The following CACNA2D2 variants were observed in gnomAD, a reference collection of about 807,000 sequenced individuals.
The protein encoded by CACNA2D2 is voltage-dependent calcium channel subunit alpha-2/delta-2.
CACNA2D2 carries 48 observed loss-of-function variants against 166.4 expected under a neutral mutation model. That is an observed-to-expected ratio of 0.29 (90% CI 0.23 to 0.37). CACNA2D2 has a LOEUF of 0.37. Ranked by LOEUF, CACNA2D2 falls within the 10% of genes least tolerant of loss-of-function variation. The pLI is 1.00. For synonymous variants in CACNA2D2, 561 were observed against 573.7 expected, an observed-to-expected ratio of 0.98 and a Z score of 0.32; for missense variants, 1,122 against 1,433.0, an observed-to-expected ratio of 0.78 and a Z score of 3.50.
In CACNA2D2 at chr3:50,364,587, C is replaced by G; in HGVS notation, c.*79G>C. ...GTGAGGGAGGGACGAGGCTCTAAGGCGGGGAGTGTGGGGCAGGAGGGTGGG... is the reference window on the plus strand; with the variant it reads ...GTGAGGGAGGGACGAGGCTCTAAGGGGGGGAGTGTGGGGCAGGAGGGTGGG... On this transcript the variant is annotated 3_prime_UTR_variant, in exon 38 of 38. Transcript: ENST00000424201. 7.1e-7 allele frequency: 1 copy of G among 1,403,586 alleles called. No homozygotes were observed. The highest frequency in any genetic ancestry group is 9.3e-7 in the Non-Finnish European group (1 of 1,072,524). The allele number at this position is 1,403,586 out of a possible 1,614,324, so 86.9% of individuals were successfully genotyped here.
intron 1 of CACNA2D2, among the ~76,000 whole-genome samples, chr3:50,483,427 T>C (rs1277770456): frequency 6.6e-6 from 1 of 152,242 alleles, no homozygotes; most frequent in Non-Finnish European, 1.5e-5. Flanking sequence ...TGGTCCTTCA[T>C]GAGGTTATTA....
At position 50,365,258 on chromosome 3, in the gene CACNA2D2, C is replaced by A; in HGVS notation, c.3099-74G>T. ...CCACCCCCATCCTGCGGCCCCGCCC[C>A]CGGCCGCTCGGAGGCCCCGCCCCTT... On this transcript the variant is annotated intron_variant, in intron 35 of 37. Coordinates refer to ENST00000424201, the MANE Select transcript of CACNA2D2 (RefSeq NM_006030.4). The surrounding 1 kb of genome is among the most constrained non-coding windows in gnomAD (Gnocchi z 4.5). 6.4e-7 allele frequency: 1 copy of A among 1,572,274 alleles called. No individual in the cohort carries two copies. The highest frequency in any genetic ancestry group is 8.6e-7 in the Non-Finnish European group (1 of 1,159,314).
At chr3:50,407,750 G>C (rs1371184757) in intron 3 of CACNA2D2, among the ~76,000 whole-genome samples, 1 of 152,232 alleles carries the variant, frequency 6.6e-6, no homozygotes, top group Non-Finnish European at 1.5e-5. Context: ...CTGTCTCAAA[G>C]GGCACATAAA....
chr3:50,412,755 AAG>A (rs1260959089), intron 3 of CACNA2D2, among the ~76,000 whole-genome samples: 1 of 152,214 alleles, frequency 6.6e-6, no homozygotes, highest in East Asian at 1.9e-4. Flanking sequence ...AGTGAAGTAA[AAG>A]GGGAAAACAG....
intron 6 of CACNA2D2, among the ~76,000 whole-genome samples, chr3:50,382,595 C>T (rs944790545): frequency 3.3e-5 from 5 of 152,212 alleles, no homozygotes; most frequent in Non-Finnish European, 5.9e-5. Context: ...ATTGGCTCTG[C>T]TTATTGAACA....
intron 3 of CACNA2D2, among the ~76,000 whole-genome samples, chr3:50,397,723 C>G (rs1179890174): frequency 6.6e-6 from 1 of 152,220 alleles, no homozygotes; most frequent in Admixed American, 6.5e-5. Flanking sequence ...TCTTGCCCAG[C>G]TCTGGGCCCT....
At chr3:50,404,932 AT>A (rs1706626796) in intron 3 of CACNA2D2, among the ~76,000 whole-genome samples, 1 of 152,160 alleles carries the variant, frequency 6.6e-6, no homozygotes, top group Non-Finnish European at 1.5e-5. Context: ...CTGCATGGGA[AT>A]GTATTCCCAC....
In CACNA2D2 at chr3:50,463,786, C is replaced by A. The variant is rs904690907; in HGVS notation, c.288+12332G>T. 4.6e-5 allele frequency among the ~76,000 whole-genome samples: 7 copies of A among 152,246 alleles called. No homozygotes were observed. In the East Asian group the frequency reaches 1.3e-3, roughly 29 times the overall value. Reference sequence around the variant, plus strand: ...TGGCCTCCTTGTATGGGACAGACATCCTGTCCCAGGGGGAGAACGAAGGCT... The same window carrying A: ...TGGCCTCCTTGTATGGGACAGACATACTGTCCCAGGGGGAGAACGAAGGCT... On this transcript the variant is annotated intron_variant, in intron 2 of 37. Transcript: ENST00000424201.
intron 2 of CACNA2D2, among the ~76,000 whole-genome samples, chr3:50,466,612 C>T (rs1709839166): frequency 6.6e-6 from 1 of 152,238 alleles, no homozygotes; most frequent in Non-Finnish European, 1.5e-5. Context: ...CCCCATGCAG[C>T]ACCACGCATC....
intron 2 of CACNA2D2, among the ~76,000 whole-genome samples, chr3:50,465,275 T>C (rs2107030456): frequency 6.6e-6 from 1 of 152,364 alleles, no homozygotes; most frequent in Admixed American, 6.5e-5. Flanking sequence ...TTTTAAAAGT[T>C]TTCCCTGGTG....
intron 3 of CACNA2D2, among the ~76,000 whole-genome samples, chr3:50,413,363 G>A (rs899522448): frequency 5.3e-5 from 8 of 151,824 alleles, no homozygotes; most frequent in Admixed American, 1.3e-4. Context: ...ACTGCAGGGG[G>A]AACTGTTGCC....
At chr3:50,370,225 C>T in intron 23 of CACNA2D2, 95 bp downstream of exon 23, 1 of 850,984 alleles carries the variant, frequency 1.2e-6, no homozygotes, top group South Asian at 1.5e-5. Context: ...CTGCACAGGA[C>T]ACAGACACAC....
rs587695368 is a variant in CACNA2D2, at chr3:50,369,927, C to T, written c.2045+393G>A. Among the ~76,000 whole-genome samples the T allele has an allele frequency of 8.8e-5, 13 of 147,948 alleles. No homozygotes were observed. The South Asian group carries it at 1.5e-3, about 17-fold the overall frequency. On this transcript the variant is annotated intron_variant, in intron 23 of 37. Coordinates refer to ENST00000424201, the MANE Select transcript of CACNA2D2 (RefSeq NM_006030.4). The stretch of plus-strand genomic sequence containing the variant: ...ACGAACACCGACTGACACAGGACAA[C>T]GATGGGGTGCGGGGTTGGGGGGATG...
In CACNA2D2 at chr3:50,367,323, C is replaced by G. The variant is rs1383545082; in HGVS notation, c.2401+71G>C. On this transcript the variant is annotated intron_variant, in intron 27 of 37. Coordinates refer to ENST00000424201, the MANE Select transcript of CACNA2D2 (RefSeq NM_006030.4). This position sits in a 1 kb window ranked among gnomAD's most constrained non-coding sequence, Gnocchi z 6.5. ...GAGAGGGGCCTCAGACAGCAGAGCC[C>G]AGTTCTGGCTGAGCAGACAGGGAAG... 43 of 1,406,060 alleles carry G rather than the reference C, an allele frequency of 3.1e-5. No individual in the cohort carries two copies. The highest frequency in any genetic ancestry group is 4.1e-5 in the Non-Finnish European group (41 of 998,374). The allele number at this position is 1,406,060 out of a possible 1,614,324, so 87.1% of individuals were successfully genotyped here.
At chr3:50,492,906 CCCTG>C (rs1191388699) in intron 1 of CACNA2D2, among the ~76,000 whole-genome samples, 30 of 152,206 alleles carry the variant, frequency 2.0e-4, no homozygotes, top group African/African-American at 7.0e-4. Flanking sequence ...GGAATCCTGC[CCCTG>C]CCACTTGCCA....
At position 50,375,930 on chromosome 3, in the gene CACNA2D2, T is replaced by C. The variant is rs1431753826; in HGVS notation, c.1773+33A>G. On this transcript the variant is annotated intron_variant, in intron 19 of 37. Transcript: ENST00000424201. The surrounding 1 kb of genome is among the most constrained non-coding windows in gnomAD (Gnocchi z 4.0). ...GCAGGGCCCCTACACTCCTCTGCTC[T>C]GTCCCCCACCCCTGTTCTCCTCCTC... 1 of 1,612,950 alleles carries C rather than the reference T, an allele frequency of 6.2e-7. No individual in the cohort carries two copies. The highest frequency in any genetic ancestry group is 8.5e-7 in the Non-Finnish European group (1 of 1,179,820).
Position 50,380,136 on chromosome 3 carries a change from C to T in CACNA2D2, c.843-118G>A, listed in dbSNP as rs1482026590. 1 of 1,016,922 alleles carries T rather than the reference C, an allele frequency of 9.8e-7. No homozygotes were observed. The highest frequency in any genetic ancestry group is 1.5e-6 in the Non-Finnish European group (1 of 660,852). 63.0% of individuals were successfully genotyped at this position (1,016,922 alleles called of 1,614,324 possible). On this transcript the variant is annotated intron_variant, in intron 8 of 37. Coordinates refer to ENST00000424201, the MANE Select transcript of CACNA2D2 (RefSeq NM_006030.4). The surrounding 1 kb of genome is among the most constrained non-coding windows in gnomAD (Gnocchi z 4.9). ...TTGAGCATGCACTGTGTGGGCCAGGCAGGGTTCTATGCACCGATGATACCA... is the reference window on the plus strand; with the variant it reads ...TTGAGCATGCACTGTGTGGGCCAGGTAGGGTTCTATGCACCGATGATACCA...
intron 4 of CACNA2D2, 100 bp from the exon 5 acceptor site, chr3:50,387,712 G>C: frequency 1.1e-6 from 1 of 909,804 alleles, no homozygotes; most frequent in Non-Finnish European, 1.7e-6. Flanking sequence ...GATTCCTCTG[G>C]GGCAGAGACT....
In CACNA2D2 at chr3:50,378,277, G is replaced by GTC. The variant is rs1060504832; in HGVS notation, c.1389+5_1389+6dup. The GTC allele has an allele frequency of 3.2e-6, 5 of 1,553,664 alleles. No homozygotes were observed. In the African/African-American group the frequency reaches 6.8e-5, roughly 21 times the overall value. On this transcript the variant is annotated splice_region_variant and intron_variant, in intron 14 of 37. Transcript: ENST00000424201. ...GGGCTGGGAGGAGGGGCCTCCCCAA[G>GTC]TCTCACCTGTGTGTTGATGCGGATG...
Sources: gnomAD v4.1 joint callset for allele counts (sites outside exome capture counted in the v4.1 genomes callset) on GRCh38, gnomAD v4.1.1 for gene constraint, Gnocchi (gnomAD v3.1) non-coding constraint, MANE v1.5 for transcripts, NCBI Gene and HGNC (gene_info 2026-07-23, HGNC 2026-07-21) for gene names.